Variants in MGAT4C observed in about 807,000 individuals in gnomAD.
The protein encoded by MGAT4C is alpha-1,3-mannosyl-glycoprotein 4-beta-N-acetylglucosaminyltransferase C.
In MGAT4C, 19 loss-of-function variants were observed where a neutral mutation model predicts 40.1. That is an observed-to-expected ratio of 0.47 (90% confidence interval 0.33 to 0.70). The LOEUF is 0.70. Ranked by LOEUF, MGAT4C falls within the 30% of genes least tolerant of loss-of-function variation. MGAT4C has a pLI of 0.02. For missense variants in MGAT4C, 491 were observed against 563.2 expected (o/e 0.87, Z 1.30); for synonymous variants, 181 against 187.1 (o/e 0.97, Z 0.27).
chr12:86,450,187 T>C (rs1957401886), intron 2 of MGAT4C, among the ~76,000 whole-genome samples: 1 of 152,124 alleles, frequency 6.6e-6, no homozygotes, highest in Non-Finnish European at 1.5e-5. Flanking sequence ...ATGAGATTTC[T>C]AGTCCTCCAC....
chr12:86,424,310 C>T (rs1252154373), intron 3 of MGAT4C, among the ~76,000 whole-genome samples: 3 of 152,100 alleles, frequency 2.0e-5, no homozygotes, highest in South Asian at 2.1e-4. Context: ...AGATTTTTGT[C>T]CCCCACTCTT....
chr12:86,134,419 T>C (rs1881663661), intron 1 of MGAT4C, among the ~76,000 whole-genome samples: 1 of 152,128 alleles, frequency 6.6e-6, no homozygotes, highest in South Asian at 2.1e-4. Context: ...AAGGTTTGTT[T>C]GGAAAAAGAA....
intron 1 of MGAT4C, among the ~76,000 whole-genome samples, chr12:86,102,734 C>T (rs912467173): frequency 6.6e-6 from 1 of 152,006 alleles, no homozygotes; most frequent in Non-Finnish European, 1.5e-5. Context: ...TAGTCTTACC[C>T]AACACTAATC....
At chr12:86,754,651 G>C (rs1951271579) in intron 1 of MGAT4C, among the ~76,000 whole-genome samples, 1 of 152,078 alleles carries the variant, frequency 6.6e-6, no homozygotes, top group African/African-American at 2.4e-5. Flanking sequence ...ATTTATTGTA[G>C]AGTAAGAAGT....
intron 1 of MGAT4C, among the ~76,000 whole-genome samples, chr12:86,188,038 TG>T (rs1888971178): frequency 6.6e-6 from 1 of 152,074 alleles, no homozygotes; most frequent in Non-Finnish European, 1.5e-5. Context: ...AAGAACCTGA[TG>T]GGCCTTTGCC....
At chr12:86,239,374 AAAGCCTTAAATTAATTTAAG>A (rs1380600077) in intron 1 of MGAT4C, among the ~76,000 whole-genome samples, 1 of 152,120 alleles carries the variant, frequency 6.6e-6, no homozygotes, top group Non-Finnish European at 1.5e-5. Context: ...TAAATTTAAG[AAAGCCTTAAATTAATTTAAG>A]AAGCCACAGC....
At chr12:86,035,401 T>C (rs1264400099) in intron 2 of MGAT4C, among the ~76,000 whole-genome samples, 1 of 150,364 alleles carries the variant, frequency 6.7e-6, no homozygotes, top group Non-Finnish European at 1.5e-5. Context: ...TCTGTTCATA[T>C]CCTTCACGCA....
intron 2 of MGAT4C, among the ~76,000 whole-genome samples, chr12:86,473,296 C>A (rs534488684): frequency 6.6e-6 from 1 of 152,110 alleles, no homozygotes; most frequent in Non-Finnish European, 1.5e-5. Flanking sequence ...GAATGGAGAG[C>A]AATCACCAAG....
intron 1 of MGAT4C, among the ~76,000 whole-genome samples, chr12:86,099,470 G>A (rs143879248): frequency 2.7e-5 from 4 of 150,902 alleles, no homozygotes; most frequent in Non-Finnish European, 5.9e-5. Context: ...TGTGCAGAAC[G>A]TGCAAATTCT....
intron 3 of MGAT4C, among the ~76,000 whole-genome samples, chr12:86,419,550 T>G (rs1047682921): frequency 6.6e-6 from 1 of 152,116 alleles, no homozygotes; most frequent in African/African-American, 2.4e-5. Flanking sequence ...AGGCCTATTC[T>G]GAATTCTGAA....
intron 2 of MGAT4C, among the ~76,000 whole-genome samples, chr12:86,627,761 G>C (rs1308551635): frequency 1.3e-5 from 2 of 152,132 alleles, no homozygotes; most frequent in Non-Finnish European, 2.9e-5. Flanking sequence ...AAAGACCAAA[G>C]GTAGATAAAA....
At chr12:86,086,318 T>C (rs777620008) in intron 1 of MGAT4C, among the ~76,000 whole-genome samples, 5 of 151,856 alleles carry the variant, frequency 3.3e-5, no homozygotes, top group Non-Finnish European at 5.9e-5. Flanking sequence ...ATATTCTCAG[T>C]CATAAGGGAG....
chr12:85,987,197 C>A (rs1885332132), intron 3 of MGAT4C, among the ~76,000 whole-genome samples: 1 of 117,908 alleles, frequency 8.5e-6, no homozygotes, highest in Non-Finnish European at 1.6e-5. Flanking sequence ...AGTGCAGTGG[C>A]GGGATCTCGG....
intron 2 of MGAT4C, among the ~76,000 whole-genome samples, chr12:86,478,714 T>C (rs1441851025): frequency 6.6e-6 from 1 of 152,122 alleles, no homozygotes; most frequent in Non-Finnish European, 1.5e-5. Context: ...GATCATAGTT[T>C]ATTCAACCTT....
intron 1 of MGAT4C, among the ~76,000 whole-genome samples, chr12:86,771,703 TGTG>T (rs1951641224): frequency 6.7e-6 from 1 of 149,516 alleles, no homozygotes; most frequent in Non-Finnish European, 1.5e-5. Context: ...TGTGTGTGTG[TGTG>T]TGTGTGTGTG....
intron 1 of MGAT4C, among the ~76,000 whole-genome samples, chr12:86,198,381 G>T (rs576620819): frequency 5.9e-5 from 9 of 152,000 alleles, no homozygotes; most frequent in Non-Finnish European, 1.2e-4. Context: ...TAATTTTTTT[G>T]ACTAATCTGT....
At chr12:86,760,342 A>T (rs1267473426) in intron 1 of MGAT4C, among the ~76,000 whole-genome samples, 1 of 152,116 alleles carries the variant, frequency 6.6e-6, no homozygotes, top group Admixed American at 6.6e-5. Context: ...AGAAAGCTCC[A>T]TGACACTGAC....
chr12:86,822,410 A>G (rs189984421), intron 1 of MGAT4C, among the ~76,000 whole-genome samples: 33 of 151,278 alleles, frequency 2.2e-4, no homozygotes, highest in Admixed American at 6.6e-4. Context: ...GAGTGACCAA[A>G]TGAATATTTA....
At chr12:86,818,150 C>A (rs1952639907) in intron 1 of MGAT4C, among the ~76,000 whole-genome samples, 1 of 151,224 alleles carries the variant, frequency 6.6e-6, no homozygotes, top group Non-Finnish European at 1.5e-5. Context: ...AATAAAGATA[C>A]ACTCTTTAAG....
Sources: gnomAD v4.1 joint callset for allele counts (sites outside exome capture counted in the v4.1 genomes callset) on GRCh38, gnomAD v4.1.1 for gene constraint, MANE v1.5 for transcripts, NCBI Gene and HGNC (gene_info 2026-07-23, HGNC 2026-07-21) for gene names.